NDUFAF6: variants seen among roughly 807,000 people sequenced by gnomAD.
NDUFAF6 encodes the protein NADH dehydrogenase (ubiquinone) complex I, assembly factor 6.
In NDUFAF6, 45 loss-of-function variants were observed where a neutral mutation model predicts 40.8. The observed-to-expected ratio is 1.10, with a 90% CI of 0.87 to 1.42. The LOEUF (loss-of-function observed/expected upper bound fraction) is 1.42. Ranked by LOEUF, NDUFAF6 falls within the 40% of genes most tolerant of loss-of-function variation. NDUFAF6 has a pLI of 0.00. For synonymous variants in NDUFAF6, 185 were observed against 155.9 expected, an observed-to-expected ratio of 1.19 and a Z score of -1.39; for missense variants, 435 against 418.5, an observed-to-expected ratio of 1.04 and a Z score of -0.34.
chr8:94,941,942 C>T (rs151079150), intron 1 of NDUFAF6, among the ~76,000 whole-genome samples: 2 of 152,126 alleles, frequency 1.3e-5, no homozygotes, highest in Non-Finnish European at 2.9e-5. Context: ...TTTTCCCCCA[C>T]AAACTTATTC....
intron 2 of NDUFAF6, chr8:94,951,412 GTTTT>G (rs1822606313): frequency 6.6e-6 from 1 of 152,236 alleles, no homozygotes; most frequent in African/African-American, 2.4e-5. Context: ...TGTTGGGGTA[GTTTT>G]TAAAGCAGCG....
At chr8:94,926,992 C>T (rs920985550) in intron 1 of NDUFAF6, 3 of 152,164 alleles carry the variant, frequency 2.0e-5, no homozygotes, top group African/African-American at 7.2e-5. Context: ...AGAGTTTAAC[C>T]AGTATTTATG....
At chr8:94,931,787 C>T (rs762711435) in intron 1 of NDUFAF6, among the ~76,000 whole-genome samples, 6 of 152,070 alleles carry the variant, frequency 3.9e-5, no homozygotes, top group Non-Finnish European at 8.8e-5. Flanking sequence ...GCCTGGCCAA[C>T]ATGGTGAAAC....
chr8:95,093,463 T>G (rs4329243), intron 2 of NDUFAF6, among the ~76,000 whole-genome samples: 109,204 of 152,088 alleles, frequency 0.72, 40,223 homozygotes, highest in East Asian at 0.9. Context: ...ATGCCAAGAC[T>G]CCATAAAATT....
intron 2 of NDUFAF6, among the ~76,000 whole-genome samples, chr8:94,984,659 CTT>C (rs546113610): frequency 3.9e-5 from 6 of 152,272 alleles, no homozygotes; most frequent in African/African-American, 1.4e-4. Context: ...GTTTGGAAGA[CTT>C]TATTGGGAAA....
intron 2 of NDUFAF6, among the ~76,000 whole-genome samples, chr8:95,087,485 G>A (rs1377580798): frequency 1.3e-5 from 2 of 151,906 alleles, no homozygotes; most frequent in East Asian, 3.9e-4. Context: ...GCATTTTTCT[G>A]GCTGCTGGTT....
Position 95,047,128 on chromosome 8 carries a change from G to A in NDUFAF6, c.714+1G>A, listed in dbSNP as rs1434721810. ...CCTTCCCATGGATATTTGTATGCTG[G>A]TAAGGCTGTAATTTGTACCTTTGAA... On this transcript the variant is annotated splice_donor_variant, in intron 6 of 8. Coordinates refer to ENST00000396124, the MANE Select transcript of NDUFAF6 (RefSeq NM_152416.4). LOFTEE classifies it high-confidence loss of function. 1 of 1,613,966 alleles carries A rather than the reference G, an allele frequency of 6.2e-7. No individual in the cohort carries two copies. Among genetic ancestry groups the A allele is most frequent in the African/African-American group, 1.3e-5 (1 of 74,902 alleles).
At chr8:95,085,573 A>C (rs923378137) in intron 2 of NDUFAF6, 38 of 151,970 alleles carry the variant, frequency 2.5e-4, no homozygotes, top group African/African-American at 8.9e-4. Flanking sequence ...CTGTAGTCCT[A>C]GCTACTCGGG....
intron 2 of NDUFAF6, among the ~76,000 whole-genome samples, chr8:95,093,323 C>G (rs1435470883): frequency 6.6e-6 from 1 of 152,160 alleles, no homozygotes; most frequent in Non-Finnish European, 1.5e-5. Context: ...GAATGCAGGC[C>G]TCCTTTCATT....
chr8:95,114,139 T>C (rs925773730), intron 4 of NDUFAF6, among the ~76,000 whole-genome samples: 1 of 136,060 alleles, frequency 7.3e-6, no homozygotes, highest in African/African-American at 2.9e-5. Flanking sequence ...ACATGTACCC[T>C]AAAACTTAAA....
chr8:94,935,808 A>G (rs1025425869), intron 1 of NDUFAF6, among the ~76,000 whole-genome samples: 9 of 152,256 alleles, frequency 5.9e-5, no homozygotes, highest in African/African-American at 2.2e-4. Context: ...CTTTACGTAA[A>G]GAAGTTATAT....
rs191127015 is a variant in NDUFAF6 at position 94,978,646 on chromosome 8, C to T, written c.-198-2213C>T. Reference sequence around the variant, plus strand: ...GGAGGATCGCTTGAGCCTGGGAGGTCGAGGCTGCAGTGAACCATAGCCATT... The same window carrying T: ...GGAGGATCGCTTGAGCCTGGGAGGTTGAGGCTGCAGTGAACCATAGCCATT... On this transcript the variant is annotated intron_variant, in intron 1 of 9. Coordinates refer to the NDUFAF6 transcript ENST00000396111. 3.8e-3 allele frequency among the ~76,000 whole-genome samples: 579 copies of T among 151,544 alleles called. 5 individuals carry two copies. The highest frequency in any genetic ancestry group is 0.014 in the African/African-American group (561 of 41,260).
chr8:95,074,751 T>C (rs1832979758), intron 9 of NDUFAF6, among the ~76,000 whole-genome samples: 1 of 152,160 alleles, frequency 6.6e-6, no homozygotes, highest in Non-Finnish European at 1.5e-5. Flanking sequence ...CTCACTGCTG[T>C]TGTCTAATCC....
chr8:94,986,282 G>A (rs1213069728), intron 2 of NDUFAF6, among the ~76,000 whole-genome samples: 2 of 152,194 alleles, frequency 1.3e-5, no homozygotes, highest in Admixed American at 6.5e-5. Context: ...AAGTTTTTAA[G>A]TAGAGCCCTG....
chr8:95,075,001 G>A (rs531688123), intron 9 of NDUFAF6, among the ~76,000 whole-genome samples: 7 of 152,200 alleles, frequency 4.6e-5, no homozygotes, highest in African/African-American at 1.7e-4. Context: ...AGAGTCTAAC[G>A]TGAAAAACAT....
intron 4 of NDUFAF6, among the ~76,000 whole-genome samples, chr8:95,111,344 A>C (rs937769368): frequency 6.6e-6 from 1 of 152,226 alleles, no homozygotes; most frequent in Non-Finnish European, 1.5e-5. Context: ...CTTCACAAAC[A>C]TCACAGAAAA....
rs964898409 is a variant in NDUFAF6, at chr8:95,025,073, G to A, written c.65G>A (p.Cys22Tyr). The A allele has an allele frequency of 1.9e-5, 28 of 1,444,764 alleles. No homozygotes were observed. The highest frequency in any genetic ancestry group is 3.0e-5 in the East Asian group (1 of 33,846). The allele number at this position is 1,444,764 out of a possible 1,614,324, so 89.5% of individuals were successfully genotyped here. The change falls in exon 1 of 9, where the codon TGC becomes TAC. Residue 22 changes from cysteine (C) to tyrosine (Y), a missense_variant. Coordinates refer to ENST00000396124, the MANE Select transcript of NDUFAF6 (RefSeq NM_152416.4). The part of the protein sequence containing the change: ...PLRLGIPGLC[C>Y]RRPPLGLYAR... ...CGGCTTGGCATCCCCGGCCTGTGCT[G>A]CCGCCGGCCGCCTCTGGGTCTGTAC... is the stretch of plus-strand genomic sequence containing the variant.
chr8:95,027,579 C>CAA (rs1207611146), intron 1 of NDUFAF6, among the ~76,000 whole-genome samples: 1,496 of 68,886 alleles, frequency 0.022, 24 homozygotes, highest in Middle Eastern at 0.075. Context: ...GACCCTGTCT[C>CAA]AAAAAAAAAA....
intron 1 of NDUFAF6, among the ~76,000 whole-genome samples, chr8:94,937,473 G>A (rs949640240): frequency 6.6e-6 from 1 of 151,970 alleles, no homozygotes; most frequent in African/African-American, 2.4e-5. Flanking sequence ...ACAAAATGGG[G>A]GGATAAAAGC....
Sources: gnomAD v4.1 joint callset for allele counts (sites outside exome capture counted in the v4.1 genomes callset) on GRCh38, gnomAD v4.1.1 for gene constraint, MANE v1.5 for transcripts, NCBI Gene and HGNC (gene_info 2026-07-23, HGNC 2026-07-21) for gene names.